COL1A2: variants seen among roughly 807,000 people sequenced by gnomAD.
COL1A2 encodes the protein collagen alpha-2(I) chain.
COL1A2 carries 49 observed loss-of-function variants against 174.3 expected under a neutral mutation model. That is an observed-to-expected ratio of 0.28 (90% CI 0.22 to 0.36). COL1A2 has a LOEUF of 0.36. Among genes scored for constraint, COL1A2 ranks in the 10% least tolerant of loss-of-function variants. COL1A2 has a pLI of 1.00. For synonymous variants in COL1A2, 655 were observed against 606.6 expected (o/e 1.08, Z -1.17); for missense variants, 1,438 against 1,822.7 (o/e 0.79, Z 3.84).
chr7:94,427,131 G>A (rs1792295521), intron 47 of COL1A2, 57 bp from the exon 48 acceptor site: 1 of 1,605,074 alleles, frequency 6.2e-7, no homozygotes, highest in East Asian at 2.2e-5. Context: ...GCCCCAGGCT[G>A]CTGCTCCCTT....
chr7:94,414,285 A>C lies in COL1A2; in HGVS notation c.1719+10A>C. 1 of 1,613,612 alleles carries C rather than the reference A, an allele frequency of 6.2e-7. No homozygotes were observed. The highest frequency in any genetic ancestry group is 8.5e-7 in the Non-Finnish European group (1 of 1,179,554). On this transcript the variant is annotated intron_variant, in intron 29 of 51. Transcript: ENST00000297268. Reference sequence around the variant, plus strand: ...CAAACCAGGAGAAAGGGTGAGTAAAACAAGTAATAGTAAGTAGTAACTACT... The same window carrying C: ...CAAACCAGGAGAAAGGGTGAGTAAACCAAGTAATAGTAAGTAGTAACTACT...
Position 94,429,108 on chromosome 7 carries a change from C to T in COL1A2, c.3712-80C>T, listed in dbSNP as rs114796185. 5,981 of 811,596 alleles carry T rather than the reference C, an allele frequency of 7.4e-3. 100 individuals are homozygous for T. Among genetic ancestry groups the T allele is most frequent in the East Asian group, 0.013 (436 of 32,648 alleles). The allele number at this position is 811,596 out of a possible 1,614,324, so 50.3% of individuals were successfully genotyped here. On this transcript the variant is annotated intron_variant, in intron 50 of 51. Transcript: ENST00000297268. Reference sequence around the variant, plus strand: ...TACTCTTCCTGAGATCTTTTTTTTTCTTTTTTTTTTTTTTCATGTTTGACT... The same window carrying T: ...TACTCTTCCTGAGATCTTTTTTTTTTTTTTTTTTTTTTTTCATGTTTGACT...
Position 94,408,200 on chromosome 7 carries a change from T to C in COL1A2, c.657T>C (p.Pro219=). The part of the protein sequence containing the change: ...TPGQTGARGL[P]GERGRVGAPG... Reference sequence around the variant, plus strand: ...GCTTCTAGGGAGCCCGTGGGCTTCCTGGTGAGAGAGGACGTGTTGGTGCCC... The same window carrying C: ...GCTTCTAGGGAGCCCGTGGGCTTCCCGGTGAGAGAGGACGTGTTGGTGCCC... The change falls in exon 14 of 52, where the codon CCT becomes CCC. Residue 219 remains proline, a synonymous_variant. Coordinates refer to ENST00000297268, the MANE Select transcript of COL1A2 (RefSeq NM_000089.4). The C allele has an allele frequency of 1.2e-6, 2 of 1,614,104 alleles. No homozygotes were observed.
Position 94,394,976 on chromosome 7 carries a change from C to G in COL1A2, c.-56C>G. 1 of 1,539,742 alleles carries G rather than the reference C, an allele frequency of 6.5e-7. No individual in the cohort carries two copies. The highest frequency in any genetic ancestry group is 9.0e-7 in the Non-Finnish European group (1 of 1,114,086). On this transcript the variant is annotated 5_prime_UTR_variant, in exon 1 of 52. Transcript: ENST00000297268. ...GCCCGCGCCCGCCAGGTGATACCTC[C>G]GCCGGTGACCCAGGGGCTCTGCGAC... is the stretch of plus-strand genomic sequence containing the variant.
intron 24 of COL1A2, 134 bp downstream of exon 24, chr7:94,412,255 G>A: frequency 1.2e-6 from 1 of 811,704 alleles, no homozygotes; most frequent in Non-Finnish European, 2.1e-6. Flanking sequence ...GGAATGCAGA[G>A]TAATAGATTG....
At chr7:94,414,645 G>C (rs952239428) in intron 29 of COL1A2, among the ~76,000 whole-genome samples, 2 of 152,090 alleles carry the variant, frequency 1.3e-5, no homozygotes, top group Admixed American at 6.5e-5. Flanking sequence ...AATTCCTTTT[G>C]TGTTTTTCTT....
intron 48 of COL1A2, 47 bp downstream of exon 48, chr7:94,427,342 A>G (rs541998526): frequency 1.3e-6 from 2 of 1,516,666 alleles, no homozygotes; most frequent in Admixed American, 3.8e-5. Context: ...GGACCTAAGG[A>G]ATGTTTTCTT....
In COL1A2 at chr7:94,397,731, CTT is replaced by C; in HGVS notation, c.71-8_71-7del. 1.1e-5 allele frequency: 13 copies of C among 1,133,532 alleles called. No individual in the cohort carries two copies. The highest frequency in any genetic ancestry group is 1.9e-5 in the Admixed American group (1 of 51,378). 70.2% of individuals were successfully genotyped at this position (1,133,532 alleles called of 1,614,324 possible). ...TACTAATAATTGTTTCCTACTTTTT[CTT>C]TTTTTTTTCTACAGCTTTACAAGAG... On this transcript the variant is annotated splice_polypyrimidine_tract_variant and intron_variant, in intron 1 of 51. Coordinates refer to ENST00000297268, the MANE Select transcript of COL1A2 (RefSeq NM_000089.4).
At chr7:94,408,662 A>G (rs1468463361) in intron 15 of COL1A2, 108 bp from the exon 16 acceptor site, 2 of 1,221,858 alleles carry the variant, frequency 1.6e-6, no homozygotes, top group Non-Finnish European at 2.4e-6. Context: ...TTCTTTACTA[A>G]TATAAACAGT....
chr7:94,428,535 T>C, intron 50 of COL1A2, 58 bp downstream of exon 50: 1 of 1,481,748 alleles, frequency 6.7e-7, no homozygotes, highest in African/African-American at 1.4e-5. Flanking sequence ...TAGGACTGTT[T>C]GTTAATTATC....
chr7:94,420,681 G>A, intron 37 of COL1A2, 33 bp downstream of exon 37: 1 of 1,536,998 alleles, frequency 6.5e-7, no homozygotes, highest in Non-Finnish European at 8.8e-7. Flanking sequence ...CCACACAGCA[G>A]CTACCCATTA....
Position 94,411,033 on chromosome 7 carries a change from GTTTTT to G in COL1A2, c.1252-11_1252-7del. ...GCTTTAGCATCCTCCTCCTCTATCT[GTTTTT>G]TTTTTTTTTTTGAATAGGGCCCTCC... On this transcript the variant is annotated intron_variant, in intron 22 of 51. Coordinates refer to ENST00000297268, the MANE Select transcript of COL1A2 (RefSeq NM_000089.4). 1 of 1,445,916 alleles carries G rather than the reference GTTTTT, an allele frequency of 6.9e-7. No homozygotes were observed. Among genetic ancestry groups the G allele is most frequent in the Non-Finnish European group, 9.4e-7 (1 of 1,063,860 alleles). 89.6% of individuals were successfully genotyped at this position (1,445,916 alleles called of 1,614,324 possible).
Position 94,423,102 on chromosome 7 carries a change from G to C in COL1A2, c.2549G>C (p.Gly850Ala), listed in dbSNP as rs1057518967. The change falls in exon 40 of 52, where the codon GGA (glycine) becomes GCA (alanine). Residue 850 changes from glycine (G) to alanine (A), a missense_variant. Coordinates refer to ENST00000297268, the MANE Select transcript of COL1A2 (RefSeq NM_000089.4). ...PGFAGEKGPS[G>A]EAGTAGPPGT... ...TTCGCTGGTGAGAAGGGTCCCTCTG[G>C]AGAGGCTGGTACTGCTGTAAGTGAT... 1 of 1,614,172 alleles carries C rather than the reference G, an allele frequency of 6.2e-7. No individual in the cohort carries two copies. The highest frequency in any genetic ancestry group is 8.5e-7 in the Non-Finnish European group (1 of 1,180,026).
Position 94,410,948 on chromosome 7 carries a change from C to A in COL1A2, c.1251+6C>A. ...ATGGCAGAGCTGGCGTCATGGTAAGCTGTCTATCACTTACTTCCTAGAAAG... is the reference window on the plus strand; with the variant it reads ...ATGGCAGAGCTGGCGTCATGGTAAGATGTCTATCACTTACTTCCTAGAAAG... On this transcript the variant is annotated splice_donor_region_variant and intron_variant, in intron 22 of 51. Coordinates refer to ENST00000297268, the MANE Select transcript of COL1A2 (RefSeq NM_000089.4). 6.2e-7 allele frequency: 1 copy of A among 1,613,736 alleles called. No homozygotes were observed. Among genetic ancestry groups the A allele is most frequent in the Non-Finnish European group, 8.5e-7 (1 of 1,179,912 alleles).
chr7:94,405,255 G>A lies in COL1A2; in HGVS notation c.486+3G>A. 1 of 1,613,830 alleles carries A rather than the reference G, an allele frequency of 6.2e-7. No individual in the cohort carries two copies. The highest frequency in any genetic ancestry group is 8.5e-7 in the Non-Finnish European group (1 of 1,179,818). ...AGAGAGGAGTTGTTGGACCACAGGT[G>A]AGACTTTTTACATTGGTAGATAGCA... On this transcript the variant is annotated splice_donor_region_variant and intron_variant, in intron 10 of 51. Coordinates refer to ENST00000297268, the MANE Select transcript of COL1A2 (RefSeq NM_000089.4).
At chr7:94,426,229 T>C (rs536224806) in intron 45 of COL1A2, among the ~76,000 whole-genome samples, 178 bp downstream of exon 45, 7 of 152,368 alleles carry the variant, frequency 4.6e-5, no homozygotes, top group African/African-American at 1.2e-4. Context: ...TGCTTGTTTG[T>C]ATTAAACAAT....
At chr7:94,395,751 G>T in intron 1 of COL1A2, 1 of 157,944 alleles carries the variant, frequency 6.3e-6, no homozygotes, top group Admixed American at 6.0e-5. Flanking sequence ...CTTTCCCAGT[G>T]GCTAGTCAGT....
intron 1 of COL1A2, chr7:94,395,365 T>C: frequency 1.9e-6 from 1 of 524,712 alleles, no homozygotes; most frequent in East Asian, 4.0e-5. Context: ...CTCAGCTTAG[T>C]AACCCCCAAA....
rs754825427 is a variant in COL1A2, at chr7:94,411,122, C to T, written c.1318C>T (p.Arg440Cys). 11 of 1,598,158 alleles carry T rather than the reference C, an allele frequency of 6.9e-6. No individual in the cohort carries two copies. Among genetic ancestry groups the T allele is most frequent in the South Asian group, 6.8e-5 (6 of 88,670 alleles). The change falls in exon 23 of 52, where the codon CGC becomes TGC. Residue 440 changes from arginine (R) to cysteine (C), a missense_variant. Arg to Cys is a radical substitution (Grantham distance 180, BLOSUM62 -3). Coordinates refer to ENST00000297268, the MANE Select transcript of COL1A2 (RefSeq NM_000089.4). ...CCGAGGACCTAATGGAGATGCTGGT[C>T]GCCCTGGGGAGCCTGGTCTCATGGG... ...GVRGPNGDAG[R>C]PGEPGLMGPR... is the part of the protein sequence containing the mutation.
Sources: gnomAD v4.1 joint callset for allele counts (sites outside exome capture counted in the v4.1 genomes callset) on GRCh38, gnomAD v4.1.1 for gene constraint, MANE v1.5 for transcripts, NCBI Gene and HGNC (gene_info 2026-07-23, HGNC 2026-07-21) for gene names.